DGKB: variants seen among roughly 807,000 people sequenced by gnomAD.
DGKB encodes the protein 90 kDa diacylglycerol kinase.
A neutral mutation model predicts 114.3 loss-of-function variants in DGKB; 67 were observed. The observed-to-expected ratio is 0.59, with a 90% CI of 0.48 to 0.72. The LOEUF (loss-of-function observed/expected upper bound fraction) is 0.72, where lower values mean the gene tolerates loss of function less well. DGKB is among the 30% of genes least tolerant of loss of function. The pLI, the probability that DGKB is intolerant of heterozygous loss-of-function variation, is 0.00. For missense variants in DGKB, 907 were observed against 975.2 expected (o/e 0.93, Z 0.93); for synonymous variants, 398 against 323.1 (o/e 1.23, Z -2.49).
At chr7:14,793,750 A>C (rs1211093473) in intron 2 of DGKB, among the ~76,000 whole-genome samples, 1 of 151,976 alleles carries the variant, frequency 6.6e-6, no homozygotes, top group Non-Finnish European at 1.5e-5. Context: ...TTGTATGTCA[A>C]CTTGGCTGGC....
At chr7:14,704,540 G>C (rs146323824) in intron 6 of DGKB, among the ~76,000 whole-genome samples, 3 of 151,734 alleles carry the variant, frequency 2.0e-5, no homozygotes, top group Non-Finnish European at 4.4e-5. Context: ...CAGCGAGACC[G>C]ACGCAGAAGA....
At chr7:14,675,565 C>T (rs1819707561) in intron 12 of DGKB, among the ~76,000 whole-genome samples, 1 of 151,416 alleles carries the variant, frequency 6.6e-6, no homozygotes, top group South Asian at 2.1e-4. Flanking sequence ...AGCATAGGTA[C>T]TGACAGTTGA....
chr7:14,584,920 A>G (rs1368781832), intron 17 of DGKB, among the ~76,000 whole-genome samples: 1 of 152,134 alleles, frequency 6.6e-6, no homozygotes, highest in East Asian at 1.9e-4. Flanking sequence ...TTGGCCTCCC[A>G]AAGTGCTGGG....
intron 1 of DGKB, among the ~76,000 whole-genome samples, chr7:14,965,726 C>G (rs1317927535): frequency 6.6e-6 from 1 of 151,886 alleles, no homozygotes; most frequent in African/African-American, 2.4e-5. Context: ...CTTACACTGG[C>G]CTGACATCAA....
At chr7:14,877,819 G>A (rs1168289580) in intron 1 of DGKB, among the ~76,000 whole-genome samples, 1 of 152,066 alleles carries the variant, frequency 6.6e-6, no homozygotes, top group Admixed American at 6.6e-5. Flanking sequence ...ATAATTCCTT[G>A]AAGCTTTTGA....
At chr7:14,470,342 T>C (rs13222466) in intron 21 of DGKB, among the ~76,000 whole-genome samples, 53,066 of 151,622 alleles carry the variant, frequency 0.35, 9,900 homozygotes, top group Admixed American at 0.47. Context: ...ATACACAAGG[T>C]AGAAGTGTGC....
At chr7:14,676,214 C>T (rs1819828897) in intron 12 of DGKB, among the ~76,000 whole-genome samples, 1 of 149,300 alleles carries the variant, frequency 6.7e-6, no homozygotes, top group African/African-American at 2.6e-5. Flanking sequence ...ATTTTGTTTC[C>T]TGATCAGGTA....
rs1828391024 is a variant in DGKB at position 14,717,452 on chromosome 7, A to C, written c.466+1090T>G. The stretch of plus-strand genomic sequence containing the variant: ...TTCTGTAAGTTCTTAGGAATACAAA[A>C]TAAATCTTGAAATGCAAATATTGAA... On this transcript the variant is annotated intron_variant, in intron 6 of 25. Coordinates refer to ENST00000402815, the MANE Select transcript of DGKB (RefSeq NM_001350709.2). Among the ~76,000 whole-genome samples the C allele has an allele frequency of 2.0e-5, 3 of 152,156 alleles. No homozygotes were observed. In the South Asian group the frequency reaches 6.2e-4, roughly 31 times the overall value.
chr7:14,377,804 C>T (rs1818745222), intron 21 of DGKB, among the ~76,000 whole-genome samples: 1 of 152,170 alleles, frequency 6.6e-6, no homozygotes, highest in African/African-American at 2.4e-5. Flanking sequence ...TTGCCAAATC[C>T]AGTTTCCAGT....
intron 5 of DGKB, among the ~76,000 whole-genome samples, chr7:14,726,475 G>A (rs1024074870): frequency 6.6e-6 from 1 of 152,138 alleles, no homozygotes; most frequent in East Asian, 1.9e-4. Flanking sequence ...TGTGAGGCTG[G>A]ACAGAGAAAA....
At chr7:14,519,805 A>G (rs1034118183) in intron 20 of DGKB, among the ~76,000 whole-genome samples, 2 of 151,978 alleles carry the variant, frequency 1.3e-5, no homozygotes, top group African/African-American at 4.8e-5. Context: ...AATTATTAAT[A>G]ATGTTGATCA....
chr7:14,785,632 A>G (rs2128495810), intron 2 of DGKB, among the ~76,000 whole-genome samples: 1 of 152,278 alleles, frequency 6.6e-6, no homozygotes, highest in Non-Finnish European at 1.5e-5. Context: ...CATGTGGGAG[A>G]AAGCACATAA....
chr7:14,893,337 T>C (rs1436684955), intron 1 of DGKB, among the ~76,000 whole-genome samples: 1 of 151,490 alleles, frequency 6.6e-6, no homozygotes, highest in Non-Finnish European at 1.5e-5. Flanking sequence ...GATTACTTTG[T>C]CATCCTTAAA....
intron 23 of DGKB, among the ~76,000 whole-genome samples, chr7:14,314,987 TAAAGA>T (rs1436361901): frequency 1.3e-5 from 2 of 151,756 alleles, no homozygotes; most frequent in Admixed American, 6.6e-5. Context: ...TCAACATTCT[TAAAGA>T]AAAGAATTTT....
intron 20 of DGKB, among the ~76,000 whole-genome samples, chr7:14,499,511 T>A (rs1718954861): frequency 6.6e-6 from 1 of 151,842 alleles, no homozygotes; most frequent in African/African-American, 2.4e-5. Context: ...GGCTTAAGTC[T>A]TCTTGAATAC....
intron 10 of DGKB, among the ~76,000 whole-genome samples, chr7:14,684,063 T>C (rs1821279361): frequency 1.3e-5 from 2 of 152,176 alleles, no homozygotes; most frequent in Non-Finnish European, 2.9e-5. Flanking sequence ...AATGTTCTAG[T>C]GTAACTAACA....
At chr7:14,393,996 AG>A (rs1563091396) in intron 21 of DGKB, among the ~76,000 whole-genome samples, 2 of 152,128 alleles carry the variant, frequency 1.3e-5, no homozygotes, top group South Asian at 2.1e-4. Context: ...AAAAAAAAAA[AG>A]TAAGCACTTA....
chr7:14,421,955 T>G (rs1028638313), intron 21 of DGKB, among the ~76,000 whole-genome samples: 9 of 151,996 alleles, frequency 5.9e-5, no homozygotes, highest in Non-Finnish European at 8.8e-5. Context: ...AACTGGGCCA[T>G]AAAAATTCAC....
intron 21 of DGKB, among the ~76,000 whole-genome samples, 183 bp from the exon 22 acceptor site, chr7:14,345,574 C>T (rs1451409378): frequency 6.6e-6 from 1 of 151,576 alleles, no homozygotes; most frequent in East Asian, 1.9e-4. Flanking sequence ...GTATGATGGC[C>T]TTGAGGGAAT....
Sources: allele counts gnomAD v4.1 joint callset (sites outside exome capture counted in the v4.1 genomes callset), GRCh38; gene constraint gnomAD v4.1.1; transcripts MANE v1.5; gene names NCBI Gene and HGNC (gene_info 2026-07-23, HGNC 2026-07-21).